MAGI2: variants seen among roughly 807,000 people sequenced by gnomAD.
The protein encoded by MAGI2 is membrane-associated guanylate kinase, WW and PDZ domain-containing protein 2.
A neutral mutation model predicts 133.3 loss-of-function variants in MAGI2; 35 were observed. The observed-to-expected ratio is 0.26, with a 90% CI of 0.20 to 0.35. The LOEUF is 0.35. Ranked by LOEUF, MAGI2 falls within the 10% of genes least tolerant of loss-of-function variation. MAGI2 has a pLI of 1.00. For missense variants in MAGI2, 1,636 were observed against 1,863.4 expected, an observed-to-expected ratio of 0.88 and a Z score of 2.25; for synonymous variants, 729 against 710.6, an observed-to-expected ratio of 1.03 and a Z score of -0.41.
At chr7:79,377,790 G>A (rs374173459) in intron 1 of MAGI2, among the ~76,000 whole-genome samples, 2 of 151,690 alleles carry the variant, frequency 1.3e-5, no homozygotes, top group South Asian at 2.1e-4. Flanking sequence ...AGGAGATAAC[G>A]GACACACCAA....
intron 3 of MAGI2, among the ~76,000 whole-genome samples, chr7:78,538,235 T>A (rs1172180083): frequency 6.6e-6 from 1 of 152,208 alleles, no homozygotes; most frequent in Non-Finnish European, 1.5e-5. Context: ...TATAGCCTTG[T>A]AGTATAGTTT....
intron 3 of MAGI2, among the ~76,000 whole-genome samples, chr7:78,599,697 G>T (rs1341017355): frequency 6.6e-6 from 1 of 152,112 alleles, no homozygotes; most frequent in Non-Finnish European, 1.5e-5. Context: ...ATTGCAATGT[G>T]CCATGTCTGA....
At chr7:78,177,272 T>G (rs976404342) in intron 14 of MAGI2, among the ~76,000 whole-genome samples, 1 of 152,284 alleles carries the variant, frequency 6.6e-6, no homozygotes, top group South Asian at 2.1e-4. Context: ...TGGACCTAAC[T>G]TAGTCACATT....
chr7:79,092,755 G>C (rs374844042), intron 1 of MAGI2, among the ~76,000 whole-genome samples: 1 of 152,152 alleles, frequency 6.6e-6, no homozygotes, highest in African/African-American at 2.4e-5. Flanking sequence ...AAATCAGAAG[G>C]TCATGTCTGA....
chr7:79,150,250 T>C (rs962395863), intron 1 of MAGI2, among the ~76,000 whole-genome samples: 2 of 95,750 alleles, frequency 2.1e-5, no homozygotes, highest in African/African-American at 5.3e-5. Flanking sequence ...AAATGGTAAA[T>C]TTACGGTTAA....
At chr7:79,317,239 G>C (rs1291351235) in intron 1 of MAGI2, among the ~76,000 whole-genome samples, 2 of 151,938 alleles carry the variant, frequency 1.3e-5, no homozygotes, top group Non-Finnish European at 1.5e-5. Context: ...GGTCAGGCTG[G>C]TCTTGAACGC....
At chr7:79,207,999 A>G (rs1829199005) in intron 1 of MAGI2, among the ~76,000 whole-genome samples, 1 of 152,042 alleles carries the variant, frequency 6.6e-6, no homozygotes, top group Admixed American at 6.6e-5. Flanking sequence ...GAAGAATGAA[A>G]TTAGACCTTT....
chr7:78,816,632 T>A (rs938099826), intron 2 of MAGI2, among the ~76,000 whole-genome samples: 18 of 152,192 alleles, frequency 1.2e-4, no homozygotes, highest in Admixed American at 1.1e-3. Flanking sequence ...TTACTCTGCC[T>A]ATACTCTAAA....
At position 78,563,801 on chromosome 7, in the gene MAGI2, C is replaced by T. The variant is rs370713309; in HGVS notation, c.539-42156G>A. On this transcript the variant is annotated intron_variant, in intron 3 of 21. Transcript: ENST00000354212. Reference sequence around the variant, plus strand: ...TTCAGAGTTACTGGAAAGAGAGTATCCAATGAACAAGATTATAGTCAAAAT... The same window carrying T: ...TTCAGAGTTACTGGAAAGAGAGTATTCAATGAACAAGATTATAGTCAAAAT... 1.5e-3 allele frequency among the ~76,000 whole-genome samples: 221 copies of T among 152,232 alleles called. 1 individual carries two copies. Among genetic ancestry groups the T allele is most frequent in the African/African-American group, 4.9e-3 (204 of 41,554 alleles).
At chr7:78,068,734 G>A (rs781163866) in intron 21 of MAGI2, among the ~76,000 whole-genome samples, 13 of 152,226 alleles carry the variant, frequency 8.5e-5, no homozygotes, top group Non-Finnish European at 1.9e-4. Flanking sequence ...AGGGCAGTAG[G>A]CATGGGCCTG....
intron 1 of MAGI2, among the ~76,000 whole-genome samples, chr7:79,294,883 C>A (rs573874692): frequency 6.6e-6 from 1 of 151,428 alleles, no homozygotes; most frequent in South Asian, 2.1e-4. Context: ...GCGCCCGCCA[C>A]CACTCCCGGC....
chr7:78,870,152 T>A (rs1794910673), intron 2 of MAGI2, among the ~76,000 whole-genome samples: 1 of 151,736 alleles, frequency 6.6e-6, no homozygotes, highest in South Asian at 2.1e-4. Flanking sequence ...GGCAAATGGC[T>A]GAGCCTGGGC....
chr7:78,411,537 C>G (rs540326333), intron 6 of MAGI2, among the ~76,000 whole-genome samples: 17 of 152,012 alleles, frequency 1.1e-4, no homozygotes, highest in Non-Finnish European at 2.4e-4. Context: ...AGAATTCACT[C>G]TGTCATAAGC....
At chr7:78,712,602 TAG>T (rs751409124) in intron 2 of MAGI2, among the ~76,000 whole-genome samples, 1 of 152,090 alleles carries the variant, frequency 6.6e-6, no homozygotes, top group South Asian at 2.1e-4. Flanking sequence ...TAAAAAGAAG[TAG>T]AGTTTCATCA....
chr7:79,132,146 A>C (rs2129545409), intron 1 of MAGI2, among the ~76,000 whole-genome samples: 1 of 152,252 alleles, frequency 6.6e-6, no homozygotes, highest in Non-Finnish European at 1.5e-5. Context: ...TGGCTTTTTA[A>C]AAATTTTTTG....
intron 20 of MAGI2, among the ~76,000 whole-genome samples, chr7:78,083,364 G>T (rs1816202516): frequency 8.2e-6 from 1 of 121,972 alleles, no homozygotes; most frequent in Non-Finnish European, 1.7e-5. Flanking sequence ...GATGGTGGGG[G>T]GGCGGGGGAG....
intron 2 of MAGI2, among the ~76,000 whole-genome samples, chr7:78,678,928 C>T (rs1429929636): frequency 6.6e-6 from 1 of 152,000 alleles, no homozygotes; most frequent in Admixed American, 6.6e-5. Context: ...CAAAAAAGAT[C>T]CCTCTCCTTC....
intron 1 of MAGI2, among the ~76,000 whole-genome samples, chr7:79,207,518 T>A (rs897584206): frequency 7.2e-6 from 1 of 138,210 alleles, no homozygotes; most frequent in African/African-American, 3.5e-5. Flanking sequence ...AGATGAAAGA[T>A]CTCAAATCAA....
At chr7:78,704,949 C>G (rs770498730) in intron 2 of MAGI2, among the ~76,000 whole-genome samples, 1 of 151,842 alleles carries the variant, frequency 6.6e-6, no homozygotes, top group African/African-American at 2.4e-5. Context: ...GGGAGCTAAA[C>G]ACTGAGTACA....
Sources: allele counts gnomAD v4.1 joint callset (sites outside exome capture counted in the v4.1 genomes callset), GRCh38; gene constraint gnomAD v4.1.1; transcripts MANE v1.5; gene names NCBI Gene and HGNC (gene_info 2026-07-23, HGNC 2026-07-21).